Variants in KCNH7 observed in about 807,000 individuals in gnomAD.
The protein encoded by KCNH7 is potassium voltage-gated channel subfamily H member 7.
KCNH7 carries 49 observed loss-of-function variants against 120.8 expected under a neutral mutation model. The observed-to-expected ratio is 0.41, with a 90% CI of 0.32 to 0.51. The LOEUF (loss-of-function observed/expected upper bound fraction) is 0.51, where lower values mean the gene tolerates loss of function less well. Ranked by LOEUF, KCNH7 falls within the 20% of genes least tolerant of loss-of-function variation. The pLI is 0.38. For missense variants in KCNH7, 1,097 were observed against 1,446.6 expected (o/e 0.76, Z 3.92); for synonymous variants, 547 against 516.1 (o/e 1.06, Z -0.81).
chr2:162,437,888 G>A (rs1272836778), intron 7 of KCNH7, among the ~76,000 whole-genome samples: 2 of 152,100 alleles, frequency 1.3e-5, no homozygotes, highest in African/African-American at 2.4e-5. Flanking sequence ...AATGGCAGGG[G>A]CATTGAAACA....
rs930165768 is a variant in KCNH7 at position 162,836,445 on chromosome 2, C to A, written c.307+92G>T. On this transcript the variant is annotated intron_variant, in intron 2 of 15. Transcript: ENST00000332142. ...TGCAAAGCATATATCTACAATTGAA[C>A]ATTTTGGGCTTCTTTGCATATGAAC... 32 of 895,188 alleles carry A rather than the reference C, an allele frequency of 3.6e-5. No homozygotes were observed. In the East Asian group the frequency reaches 7.8e-4, roughly 22 times the overall value. The allele number at this position is 895,188 out of a possible 1,614,324, so 55.5% of individuals were successfully genotyped here.
At chr2:162,770,288 G>T (rs886618929) in intron 2 of KCNH7, among the ~76,000 whole-genome samples, 4 of 150,164 alleles carry the variant, frequency 2.7e-5, no homozygotes, top group Admixed American at 1.3e-4. Context: ...TAGAGTTCCT[G>T]AACATTACTC....
intron 6 of KCNH7, among the ~76,000 whole-genome samples, chr2:162,479,426 C>T (rs2105674989): frequency 6.6e-6 from 1 of 152,106 alleles, no homozygotes; most frequent in South Asian, 2.1e-4. Flanking sequence ...TTTATGAGAA[C>T]AAATGATCAG....
intron 2 of KCNH7, among the ~76,000 whole-genome samples, chr2:162,655,732 G>A (rs1684731673): frequency 1.3e-5 from 2 of 152,266 alleles, no homozygotes; most frequent in South Asian, 4.1e-4. Flanking sequence ...GGCGGAGGTT[G>A]CAGTGAGCCG....
chr2:162,724,948 A>T (rs116295318), intron 2 of KCNH7, among the ~76,000 whole-genome samples: 391 of 152,278 alleles, frequency 2.6e-3, no homozygotes, highest in African/African-American at 8.6e-3. Flanking sequence ...TGACTCACTG[A>T]AGTGTGTTTT....
intron 2 of KCNH7, among the ~76,000 whole-genome samples, chr2:162,561,741 A>C (rs1693075539): frequency 6.6e-6 from 1 of 152,040 alleles, no homozygotes; most frequent in South Asian, 2.1e-4. Context: ...ATGGCATTCT[A>C]CTATAAAGAC....
intron 2 of KCNH7, among the ~76,000 whole-genome samples, chr2:162,760,019 G>C (rs768212016): frequency 6.6e-6 from 1 of 152,056 alleles, no homozygotes; most frequent in South Asian, 2.1e-4. Flanking sequence ...CACTTAAGTG[G>C]AAAAGCTTTA....
At chr2:162,780,670 G>A (rs1269446781) in intron 2 of KCNH7, among the ~76,000 whole-genome samples, 1 of 152,016 alleles carries the variant, frequency 6.6e-6, no homozygotes, top group African/African-American at 2.4e-5. Flanking sequence ...GAGACACACA[G>A]CCCCCATGTC....
intron 2 of KCNH7, among the ~76,000 whole-genome samples, chr2:162,764,010 G>T (rs1689059085): frequency 6.6e-6 from 1 of 152,022 alleles, no homozygotes; most frequent in Admixed American, 6.6e-5. Flanking sequence ...CCTAAGGAAA[G>T]ATTTTACATC....
chr2:162,380,286 CTGTT>C lies in KCNH7; in HGVS notation c.2963-269_2963-266del, dbSNP rs143959987. Among the ~76,000 whole-genome samples, 810 of 152,198 alleles carry C rather than the reference CTGTT, an allele frequency of 5.3e-3. 18 individuals are homozygous for C. Among genetic ancestry groups the C allele is most frequent in the African/African-American group, 0.018 (755 of 41,534 alleles). ...GAGTGTTTAGGATTTTGTTTTCTTT[CTGTT>C]TGTGCTAGGAGAAGATAAGAACAGC... On this transcript the variant is annotated intron_variant, in intron 13 of 15. Coordinates refer to ENST00000332142, the MANE Select transcript of KCNH7 (RefSeq NM_033272.4).
intron 2 of KCNH7, among the ~76,000 whole-genome samples, chr2:162,598,499 T>C (rs556123042): frequency 5.9e-5 from 9 of 152,230 alleles, no homozygotes; most frequent in African/African-American, 2.2e-4. Flanking sequence ...AGCAGTATTT[T>C]AAAATCATAG....
intron 2 of KCNH7, among the ~76,000 whole-genome samples, chr2:162,770,521 C>G (rs1215283146): frequency 6.6e-6 from 1 of 151,922 alleles, no homozygotes; most frequent in Non-Finnish European, 1.5e-5. Context: ...CTTTGAGCAT[C>G]CGTTTCATAA....
chr2:162,565,602 C>T (rs549265597), intron 2 of KCNH7, among the ~76,000 whole-genome samples: 4 of 152,114 alleles, frequency 2.6e-5, no homozygotes, highest in African/African-American at 9.6e-5. Flanking sequence ...TTGAATGGTG[C>T]TTAGTTATCC....
At chr2:162,435,713 G>T in intron 7 of KCNH7, 116 bp from the exon 8 acceptor site, 1 of 983,588 alleles carries the variant, frequency 1.0e-6, no homozygotes, top group Non-Finnish European at 1.4e-6. Flanking sequence ...AAGGATAACT[G>T]CCTATTTAAA....
intron 2 of KCNH7, among the ~76,000 whole-genome samples, chr2:162,812,975 T>G (rs2105572763): frequency 6.6e-6 from 1 of 151,954 alleles, no homozygotes; most frequent in East Asian, 1.9e-4. Context: ...GGTGAGCAAA[T>G]GCAAGGAGAA....
intron 6 of KCNH7, among the ~76,000 whole-genome samples, chr2:162,491,289 A>C (rs1404986420): frequency 1.3e-5 from 2 of 151,904 alleles, no homozygotes; most frequent in African/African-American, 4.8e-5. Context: ...TAAACTGTTT[A>C]TTTTTCTTTT....
intron 2 of KCNH7, among the ~76,000 whole-genome samples, chr2:162,585,350 C>T (rs1020795845): frequency 1.3e-5 from 2 of 152,010 alleles, no homozygotes; most frequent in Non-Finnish European, 2.9e-5. Context: ...TGTGTCTCTT[C>T]CAGTCTCACT....
chr2:162,538,954 A>G (rs1035564591), intron 2 of KCNH7, among the ~76,000 whole-genome samples: 9 of 152,084 alleles, frequency 5.9e-5, no homozygotes, highest in Non-Finnish European at 1.5e-5. Context: ...AACTTTATTT[A>G]TAACTAATTT....
chr2:162,826,767 T>C (rs915181082), intron 2 of KCNH7, among the ~76,000 whole-genome samples: 5 of 152,122 alleles, frequency 3.3e-5, no homozygotes, highest in African/African-American at 1.2e-4. Flanking sequence ...AATAACTGCC[T>C]TAATAAGTCC....
Sources: allele counts gnomAD v4.1 joint callset (sites outside exome capture counted in the v4.1 genomes callset), GRCh38; gene constraint gnomAD v4.1.1; transcripts MANE v1.5; gene names NCBI Gene and HGNC (gene_info 2026-07-23, HGNC 2026-07-21).